SMOC1: variants seen among roughly 807,000 people sequenced by gnomAD.
SMOC1 encodes SPARC-related modular calcium-binding protein 1.
In SMOC1, 22 loss-of-function variants were observed where a neutral mutation model predicts 56.3. The observed-to-expected ratio is 0.39, with a 90% CI of 0.28 to 0.56. SMOC1 has a LOEUF of 0.56. SMOC1 is among the 20% of genes least tolerant of loss of function. The pLI is 0.61. For synonymous variants in SMOC1, 193 were observed against 215.0 expected (o/e 0.90, Z 0.89); for missense variants, 509 against 565.4 (o/e 0.90, Z 1.01).
At chr14:69,961,573 G>A (rs1406094067) in intron 3 of SMOC1, among the ~76,000 whole-genome samples, 1 of 151,520 alleles carries the variant, frequency 6.6e-6, no homozygotes, top group Non-Finnish European at 1.5e-5. Flanking sequence ...GTAGAGATGG[G>A]GTTTTGCCAT....
intron 7 of SMOC1, among the ~76,000 whole-genome samples, chr14:70,004,574 T>C (rs1014384963): frequency 2.0e-5 from 3 of 152,236 alleles, no homozygotes; most frequent in Admixed American, 1.3e-4. Context: ...CCTATTGATA[T>C]TGGACTCAAG....
intron 1 of SMOC1, among the ~76,000 whole-genome samples, chr14:69,904,656 C>T (rs1293654395): frequency 1.3e-5 from 2 of 152,226 alleles, no homozygotes; most frequent in Admixed American, 6.5e-5. Context: ...GTAGTAGAGG[C>T]AGTGCAATAG....
rs139737624 is a variant in SMOC1 at position 69,952,141 on chromosome 14, C to G, written c.103C>G (p.Leu35Val). The change falls in exon 2 of 12, where the codon CTA (leucine) becomes GTA (valine). Residue 35 changes from leucine (L) to valine (V), a missense_variant. This residue lies in a region of SMOC1 where 315 missense variants were observed against 333.1 expected (regional missense o/e 0.95). Coordinates refer to ENST00000361956, the MANE Select transcript of SMOC1 (RefSeq NM_001034852.3). ...RGHRTTGPRF[L>V]ISDRDPQCNL... Reference sequence around the variant, plus strand: ...CTTTCACTTTTTTCCAACCTAGTTTCTAATAAGTGACCGTGACCCACAGTG... The same window carrying G: ...CTTTCACTTTTTTCCAACCTAGTTTGTAATAAGTGACCGTGACCCACAGTG... 3,246 of 1,614,174 alleles carry G rather than the reference C, an allele frequency of 2.0e-3. 8 individuals are homozygous for G. The highest frequency in any genetic ancestry group is 2.4e-3 in the Non-Finnish European group (2,877 of 1,180,018).
intron 1 of SMOC1, among the ~76,000 whole-genome samples, chr14:69,900,932 C>T (rs552020638): frequency 1.2e-4 from 18 of 152,294 alleles, no homozygotes; most frequent in African/African-American, 4.3e-4. Flanking sequence ...TCCTCTTCTT[C>T]GAGGACAGAT....
intron 11 of SMOC1, among the ~76,000 whole-genome samples, chr14:70,029,280 T>C (rs746871453): frequency 3.9e-5 from 6 of 152,118 alleles, no homozygotes; most frequent in Non-Finnish European, 7.4e-5. Flanking sequence ...GGCTGGGACT[T>C]TGTGTAAGTC....
intron 7 of SMOC1, among the ~76,000 whole-genome samples, chr14:70,001,265 AG>A (rs1884960052): frequency 6.6e-6 from 1 of 152,150 alleles, no homozygotes; most frequent in Non-Finnish European, 1.5e-5. Flanking sequence ...AGACTTGCTA[AG>A]GGCCTTGTCC....
chr14:69,981,549 C>T (rs8015491), intron 5 of SMOC1, among the ~76,000 whole-genome samples: 28,162 of 151,822 alleles, frequency 0.19, 3,436 homozygotes, highest in East Asian at 0.39. Context: ...GAGAGGGGGA[C>T]GGTGCACATG....
intron 1 of SMOC1, among the ~76,000 whole-genome samples, chr14:69,888,666 G>A (rs1883876552): frequency 8.1e-6 from 1 of 123,546 alleles, no homozygotes; most frequent in South Asian, 2.7e-4. Flanking sequence ...GATAAGGGCT[G>A]AAAGCCTTTT....
At chr14:69,991,408 T>C (rs568886947) in intron 5 of SMOC1, among the ~76,000 whole-genome samples, 10 of 152,308 alleles carry the variant, frequency 6.6e-5, no homozygotes, top group African/African-American at 2.4e-4. Flanking sequence ...ATACTGTTTC[T>C]TTGCATTATT....
Position 69,952,153 on chromosome 14 carries a change from C to G in SMOC1, c.115C>G (p.Arg39Gly), listed in dbSNP as rs767503744. 1.2e-6 allele frequency: 2 copies of G among 1,614,128 alleles called. No individual in the cohort carries two copies. Among genetic ancestry groups the G allele is most frequent in the Non-Finnish European group, 1.7e-6 (2 of 1,180,002 alleles). Reference protein sequence around the residue: ...TTGPRFLISDRDPQCNLHCSR... With the variant: ...TTGPRFLISDGDPQCNLHCSR... ...TCCAACCTAGTTTCTAATAAGTGAC[C>G]GTGACCCACAGTGCAACCTCCACTG... is the stretch of plus-strand genomic sequence containing the variant. The change falls in exon 2 of 12, where the codon CGT becomes GGT. Residue 39 changes from arginine to glycine, a missense_variant. Arg to Gly is a moderately radical substitution (Grantham distance 125). Around this residue, in one of 3 missense-constraint regions of SMOC1, gnomAD observed 315 missense variants for 333.1 expected, o/e 0.95. Coordinates refer to ENST00000361956, the MANE Select transcript of SMOC1 (RefSeq NM_001034852.3).
chr14:69,992,369 C>T (rs201615205), intron 5 of SMOC1, 48 bp from the exon 6 acceptor site: 258 of 1,600,180 alleles, frequency 1.6e-4, no homozygotes, highest in Non-Finnish European at 2.1e-5. Context: ...ATAGTATTTA[C>T]CTCAATAATG....
intron 1 of SMOC1, among the ~76,000 whole-genome samples, chr14:69,948,152 T>G (rs1274780646): frequency 6.6e-6 from 1 of 152,218 alleles, no homozygotes; most frequent in Admixed American, 6.5e-5. Context: ...GAGTAATCCC[T>G]TTGGGGCCCT....
intron 10 of SMOC1, among the ~76,000 whole-genome samples, chr14:70,016,501 T>G (rs1376383459): frequency 6.6e-6 from 1 of 152,052 alleles, no homozygotes; most frequent in Non-Finnish European, 1.5e-5. Context: ...ATCAAGGAAG[T>G]GGGTGGGGAA....
chr14:69,897,311 G>C (rs2139318146), intron 1 of SMOC1, among the ~76,000 whole-genome samples: 1 of 152,334 alleles, frequency 6.6e-6, no homozygotes, highest in East Asian at 1.9e-4. Context: ...GATATTTCCA[G>C]ATAAGGTGGC....
intron 1 of SMOC1, among the ~76,000 whole-genome samples, chr14:69,924,656 A>T (rs989587363): frequency 1.4e-5 from 2 of 145,240 alleles, no homozygotes; most frequent in African/African-American, 5.1e-5. Context: ...GAGGTAGGGG[A>T]GGTAGGGGAG....
At chr14:69,888,954 C>T (rs183716512) in intron 1 of SMOC1, among the ~76,000 whole-genome samples, 12 of 152,272 alleles carry the variant, frequency 7.9e-5, no homozygotes, top group East Asian at 5.8e-4. Flanking sequence ...TGCTTAAAAA[C>T]GATGATGCCA....
chr14:69,885,515 G>C, intron 1 of SMOC1: 1 of 1,599,274 alleles, frequency 6.3e-7, no homozygotes, highest in Non-Finnish European at 8.5e-7. Flanking sequence ...TTTGTCTTCT[G>C]AGTTCACCTG....
chr14:70,025,893 G>A (rs935380980), intron 11 of SMOC1, among the ~76,000 whole-genome samples: 1 of 152,230 alleles, frequency 6.6e-6, no homozygotes, highest in Non-Finnish European at 1.5e-5. Flanking sequence ...AAATGGGACA[G>A]TGAGTTAAAG....
At chr14:69,988,499 G>T (rs1377157751) in intron 5 of SMOC1, among the ~76,000 whole-genome samples, 2 of 152,084 alleles carry the variant, frequency 1.3e-5, no homozygotes, top group African/African-American at 4.8e-5. Context: ...AGCTGCTGCT[G>T]CCTCATGATT....
Sources: gnomAD v4.1 joint callset for allele counts (sites outside exome capture counted in the v4.1 genomes callset) on GRCh38, gnomAD v4.1.1 for gene constraint, gnomAD v4.1.1 regional missense constraint, MANE v1.5 for transcripts, NCBI Gene and HGNC (gene_info 2026-07-23, HGNC 2026-07-21) for gene names.